The following NPAS3 variants were observed in gnomAD, a reference collection of about 807,000 sequenced individuals.
NPAS3 encodes the protein neuronal PAS domain-containing protein 3.
NPAS3 carries 14 observed loss-of-function variants against 73.1 expected under a neutral mutation model. That is an observed-to-expected ratio of 0.19 (90% confidence interval 0.13 to 0.30). The LOEUF is 0.30. Ranked by LOEUF, NPAS3 falls within the 10% of genes least tolerant of loss-of-function variation. NPAS3 has a pLI of 1.00. For missense variants in NPAS3, 1,096 were observed against 1,250.0 expected (o/e 0.88, Z 1.86); for synonymous variants, 620 against 541.5 (o/e 1.14, Z -2.01).
chr14:33,723,645 T>C lies in NPAS3; in HGVS notation c.734-11569T>C, dbSNP rs112588173. On this transcript the variant is annotated intron_variant, in intron 6 of 11. Coordinates refer to ENST00000356141, the Ensembl canonical transcript of NPAS3. ...ATGTCCCTGTATGAAGGAGAAGTGG[T>C]CACCATGCACTGCTTCTGCTGCCAC... Among the ~76,000 whole-genome samples the C allele has an allele frequency of 6.5e-3, 987 of 151,514 alleles. 9 individuals carry two copies. Among genetic ancestry groups the C allele is most frequent in the African/African-American group, 0.022 (908 of 41,270 alleles).
intron 7 of NPAS3, among the ~76,000 whole-genome samples, chr14:33,770,928 T>G (rs984870228): frequency 1.3e-5 from 2 of 152,264 alleles, no homozygotes; most frequent in East Asian, 3.9e-4. Context: ...CAAAAAATCT[T>G]TGCAACACAC....
In NPAS3 at chr14:33,448,736, G is replaced by A. The variant is rs1401409937; in HGVS notation, c.468+81468G>A. ...CTGGATCCACGATGAAAATATCAAA[G>A]TGCCCCTGAGACAAGGATGAAACGT... On this transcript the variant is annotated intron_variant, in intron 4 of 11. Coordinates refer to ENST00000356141, the Ensembl canonical transcript of NPAS3. Among the ~76,000 whole-genome samples the A allele has an allele frequency of 1.3e-5, 2 of 152,154 alleles. 1 individual carries two copies. The highest frequency in any genetic ancestry group is 4.1e-4 in the South Asian group (2 of 4,828).
At chr14:33,640,182 G>A (rs1351700574) in intron 5 of NPAS3, among the ~76,000 whole-genome samples, 1 of 147,276 alleles carries the variant, frequency 6.8e-6, no homozygotes, top group East Asian at 2.0e-4. Flanking sequence ...GCGACAGCGA[G>A]ACCCCCTGTT....
chr14:33,763,860 A>G (rs1200705371), intron 7 of NPAS3, among the ~76,000 whole-genome samples: 1 of 150,570 alleles, frequency 6.6e-6, no homozygotes, highest in Admixed American at 6.6e-5. Flanking sequence ...TTTTTTTTCC[A>G]AAATATATAT....
intron 4 of NPAS3, among the ~76,000 whole-genome samples, chr14:33,486,071 G>T (rs935429389): frequency 1.3e-5 from 2 of 152,014 alleles, no homozygotes; most frequent in Admixed American, 1.3e-4. Flanking sequence ...GAATAACCAG[G>T]CCTCACTGTA....
At chr14:33,454,357 T>A (rs935618415) in intron 4 of NPAS3, among the ~76,000 whole-genome samples, 5 of 152,158 alleles carry the variant, frequency 3.3e-5, no homozygotes, top group Non-Finnish European at 7.3e-5. Flanking sequence ...CAGGAAGTAA[T>A]TTGCTTTTAA....
chr14:33,219,921 T>C (rs570449017), intron 3 of NPAS3, among the ~76,000 whole-genome samples: 18 of 152,328 alleles, frequency 1.2e-4, no homozygotes, highest in African/African-American at 4.3e-4. Flanking sequence ...ATTTTCCTGT[T>C]GCTGTTGTGG....
At chr14:33,580,555 G>A (rs1371957896) in intron 5 of NPAS3, among the ~76,000 whole-genome samples, 3 of 152,118 alleles carry the variant, frequency 2.0e-5, no homozygotes, top group African/African-American at 7.2e-5. Context: ...CAGACGTACA[G>A]CCACGGTAGT....
intron 2 of NPAS3, among the ~76,000 whole-genome samples, chr14:33,187,540 C>G (rs887727756): frequency 6.6e-6 from 1 of 151,962 alleles, no homozygotes; most frequent in African/African-American, 2.4e-5. Flanking sequence ...TTTAAAAATT[C>G]AGATAATTCT....
chr14:33,653,622 C>T (rs1310100521), intron 5 of NPAS3, among the ~76,000 whole-genome samples: 2 of 152,226 alleles, frequency 1.3e-5, no homozygotes, highest in African/African-American at 4.8e-5. Context: ...TTCTGTTTCT[C>T]TCTTTCTGTC....
chr14:33,613,348 C>T (rs920130874), intron 5 of NPAS3, among the ~76,000 whole-genome samples: 11 of 152,124 alleles, frequency 7.2e-5, no homozygotes, highest in African/African-American at 2.2e-4. Context: ...GTGAGCCTTC[C>T]CCTTCCTATA....
chr14:32,935,426 T>C (rs930884081), upstream of NPAS3, among the ~76,000 whole-genome samples: 1 of 152,210 alleles, frequency 6.6e-6, no homozygotes, highest in African/African-American at 2.4e-5. Flanking sequence ...TGATCATTTG[T>C]TTCCAAACAG....
chr14:33,462,909 T>G (rs2139518678), intron 4 of NPAS3, among the ~76,000 whole-genome samples: 1 of 152,316 alleles, frequency 6.6e-6, no homozygotes, highest in South Asian at 2.1e-4. Context: ...AAATGAGATC[T>G]TACATGTAAT....
intron 4 of NPAS3, among the ~76,000 whole-genome samples, chr14:33,372,662 G>C (rs951033491): frequency 8.5e-5 from 13 of 152,178 alleles, no homozygotes; most frequent in Admixed American, 3.9e-4. Context: ...TTCTCCAGGA[G>C]AGTTGAGGGT....
intron 4 of NPAS3, among the ~76,000 whole-genome samples, chr14:33,407,595 TC>T (rs1305862399): frequency 6.6e-6 from 1 of 152,178 alleles, no homozygotes; most frequent in Non-Finnish European, 1.5e-5. Flanking sequence ...ACTGGCTGAT[TC>T]CTAGTCTATC....
rs76873393 is a variant in NPAS3, at chr14:33,374,705, G to T, written c.468+7437G>T. ...TAACAATGTTGGGGTGTGTCGGGGC[G>T]GGGGGGGGAGTAGAGAATGCCAAAT... On this transcript the variant is annotated intron_variant, in intron 4 of 11. Transcript: ENST00000356141. Among the ~76,000 whole-genome samples the T allele has an allele frequency of 2.4e-4, 32 of 134,606 alleles. No homozygotes were observed. In the East Asian group the frequency reaches 4.8e-3, roughly 20 times the overall value. The allele number at this position is 134,606 out of a possible 152,430, so 88.3% of individuals were successfully genotyped here.
At chr14:33,383,250 G>A (rs1012075718) in intron 4 of NPAS3, among the ~76,000 whole-genome samples, 2 of 151,828 alleles carry the variant, frequency 1.3e-5, no homozygotes. Flanking sequence ...GTTCATCTTC[G>A]TGTCTTCCAC....
intron 4 of NPAS3, among the ~76,000 whole-genome samples, chr14:33,418,241 G>A (rs1318959028): frequency 6.6e-6 from 1 of 151,906 alleles, no homozygotes; most frequent in East Asian, 1.9e-4. Flanking sequence ...ATCTCCCAGG[G>A]AAAGGGCTAA....
At chr14:32,939,202 C>G (rs1267926283), upstream of NPAS3, 1 of 352,658 alleles carries the variant, frequency 2.8e-6, no homozygotes, top group East Asian at 9.7e-5. Flanking sequence ...GAGCGCCGCG[C>G]ACGGCCGCAC....
Sources: allele counts gnomAD v4.1 joint callset (sites outside exome capture counted in the v4.1 genomes callset), GRCh38; gene constraint gnomAD v4.1.1; transcripts MANE v1.5; gene names NCBI Gene and HGNC (gene_info 2026-07-23, HGNC 2026-07-21).